The following DNAI7 variants were observed in gnomAD, a reference collection of about 807,000 sequenced individuals.
DNAI7 encodes cancer susceptibility 1.
Under a neutral mutation model 86.6 loss-of-function variants are expected in DNAI7, and 78 were observed. The observed-to-expected ratio is 0.90, with a 90% CI of 0.75 to 1.09. The LOEUF is 1.09. Among genes scored for constraint, DNAI7 ranks in the 50% least tolerant of loss-of-function variants. DNAI7 has a pLI of 0.00. For synonymous variants in DNAI7, 274 were observed against 273.0 expected (o/e 1.00, Z -0.04); for missense variants, 753 against 810.2 (o/e 0.93, Z 0.86).
chr12:25,156,851 A>T (rs553315592), intron 4 of DNAI7, among the ~76,000 whole-genome samples: 7 of 152,242 alleles, frequency 4.6e-5, no homozygotes, highest in African/African-American at 9.6e-5. Flanking sequence ...TAATTCAGTA[A>T]ACCAAAACTT....
chr12:25,142,500 A>T (rs1456070061), intron 9 of DNAI7, among the ~76,000 whole-genome samples: 2 of 148,826 alleles, frequency 1.3e-5, no homozygotes, highest in Non-Finnish European at 3.0e-5. Flanking sequence ...TGAAATAAAA[A>T]AAAAACAAAA....
At chr12:25,124,486 TG>T (rs146037510) in intron 9 of DNAI7, among the ~76,000 whole-genome samples, 3,086 of 152,262 alleles carry the variant, frequency 0.02, 54 homozygotes, top group South Asian at 0.068. Flanking sequence ...GGTATATTTT[TG>T]TAAGTGTTGT....
chr12:25,168,183 G>C (rs1428744012), intron 2 of DNAI7, among the ~76,000 whole-genome samples: 1 of 152,024 alleles, frequency 6.6e-6, no homozygotes, highest in Non-Finnish European at 1.5e-5. Flanking sequence ...CATCTTTTTA[G>C]TTTGCATCTC....
At chr12:25,169,841 C>A (rs1592596597) in intron 2 of DNAI7, among the ~76,000 whole-genome samples, 1 of 134,106 alleles carries the variant, frequency 7.5e-6, no homozygotes, top group East Asian at 2.0e-4. Context: ...GAGCAAGACT[C>A]TGTCTCAAAA....
At chr12:25,141,012 T>G (rs11047859) in intron 9 of DNAI7, among the ~76,000 whole-genome samples, 14,038 of 152,202 alleles carry the variant, frequency 0.092, 1,995 homozygotes, top group African/African-American at 0.31. Context: ...AAGCCATGTA[T>G]AGAAGAATGA....
chr12:25,112,596 C>G (rs1298224495), intron 13 of DNAI7, among the ~76,000 whole-genome samples: 2 of 151,774 alleles, frequency 1.3e-5, no homozygotes, highest in African/African-American at 4.8e-5. Context: ...TTAGTAGAGA[C>G]AGGGTTTCAC....
At chr12:25,114,031 C>T (rs1317974149) in intron 13 of DNAI7, among the ~76,000 whole-genome samples, 1 of 149,672 alleles carries the variant, frequency 6.7e-6, no homozygotes, top group Non-Finnish European at 1.5e-5. Context: ...TGGCAACCTC[C>T]CCTTCCCAGG....
intron 13 of DNAI7, among the ~76,000 whole-genome samples, chr12:25,113,207 AT>A (rs1190352357): frequency 6.6e-6 from 1 of 152,136 alleles, no homozygotes; most frequent in Non-Finnish European, 1.5e-5. Flanking sequence ...GACCAGAAGC[AT>A]TTTAAGGGCA....
chr12:25,150,174 T>C (rs1310791260), intron 6 of DNAI7, among the ~76,000 whole-genome samples: 2 of 152,200 alleles, frequency 1.3e-5, no homozygotes, highest in Non-Finnish European at 2.9e-5. Context: ...ACCTAAATGA[T>C]TAGGTGAAAA....
chr12:25,159,067 C>A (rs1293449089), intron 3 of DNAI7, among the ~76,000 whole-genome samples: 1 of 152,146 alleles, frequency 6.6e-6, no homozygotes, highest in Admixed American at 6.5e-5. Flanking sequence ...ACCATTTGAC[C>A]CAGCGATCCC....
At chr12:25,118,263 G>GT (rs2140421382) in intron 12 of DNAI7, among the ~76,000 whole-genome samples, 2 of 150,598 alleles carry the variant, frequency 1.3e-5, no homozygotes, top group South Asian at 4.2e-4. Context: ...ATTTTTGCCT[G>GT]TTTGTTTTGT....
intron 2 of DNAI7, among the ~76,000 whole-genome samples, chr12:25,174,782 T>C (rs573618811): frequency 6.8e-6 from 1 of 146,878 alleles, no homozygotes; most frequent in African/African-American, 2.5e-5. Flanking sequence ...TACACGGCCA[T>C]AAAAAGGAAT....
chr12:25,127,195 C>T (rs1342251673), intron 9 of DNAI7, among the ~76,000 whole-genome samples: 1 of 152,202 alleles, frequency 6.6e-6, no homozygotes, highest in Non-Finnish European at 1.5e-5. Context: ...AGAATGGGTT[C>T]CTGTAATTGC....
At chr12:25,172,823 G>A (rs973690516) in intron 2 of DNAI7, among the ~76,000 whole-genome samples, 5 of 152,120 alleles carry the variant, frequency 3.3e-5, no homozygotes, top group East Asian at 1.9e-4. Flanking sequence ...ACTGATCTTC[G>A]ACAAAGCAAA....
chr12:25,144,794 T>C (rs911873429), intron 8 of DNAI7, 117 bp from the exon 9 acceptor site: 2 of 749,852 alleles, frequency 2.7e-6, no homozygotes, highest in Non-Finnish European at 4.2e-6. Context: ...ATTTTGACTC[T>C]GATCATATGT....
chr12:25,110,098 G>A (rs1738465353), intron 15 of DNAI7, 29 bp downstream of exon 15: 2 of 1,069,088 alleles, frequency 1.9e-6, no homozygotes, highest in Admixed American at 1.8e-5. Context: ...GGAGGACAAA[G>A]TAGTTTTATG....
intron 12 of DNAI7, among the ~76,000 whole-genome samples, chr12:25,117,221 A>C (rs985319509): frequency 6.6e-6 from 1 of 152,246 alleles, no homozygotes; most frequent in African/African-American, 2.4e-5. Flanking sequence ...GGCATGAGCC[A>C]CTGCGACCGG....
At chr12:25,153,660 T>C (rs991010461) in intron 6 of DNAI7, among the ~76,000 whole-genome samples, 1 of 152,202 alleles carries the variant, frequency 6.6e-6, no homozygotes, top group African/African-American at 2.4e-5. Context: ...TGCTAAGCCA[T>C]AGCAGTTAGC....
chr12:25,163,070 C>T (rs1043101371), intron 2 of DNAI7, among the ~76,000 whole-genome samples: 1 of 152,098 alleles, frequency 6.6e-6, no homozygotes, highest in African/African-American at 2.4e-5. Flanking sequence ...ATTGCGCAAG[C>T]GGGAAAGGGA....
Sources: gnomAD v4.1 joint callset for allele counts (sites outside exome capture counted in the v4.1 genomes callset) on GRCh38, gnomAD v4.1.1 for gene constraint, MANE v1.5 for transcripts, NCBI Gene and HGNC (gene_info 2026-07-23, HGNC 2026-07-21) for gene names.